Variants in CACNB4 observed in about 807,000 individuals in gnomAD.
The protein encoded by CACNB4 is calcium voltage-gated channel auxiliary subunit beta 4, also known as voltage-dependent L-type calcium channel subunit beta-4.
Under a neutral mutation model 71.2 loss-of-function variants are expected in CACNB4, and 32 were observed. The ratio of observed to expected loss-of-function variants is 0.45; its 90% CI spans 0.34 to 0.60. The LOEUF is 0.60. CACNB4 is among the 20% of genes least tolerant of loss of function. CACNB4 has a pLI of 0.01. For synonymous variants in CACNB4, 231 were observed against 236.9 expected (o/e 0.97, Z 0.23); for missense variants, 464 against 647.9 (o/e 0.72, Z 3.08).
chr2:151,879,742 T>C (rs1166351754), intron 4 of CACNB4: 2 of 152,200 alleles, frequency 1.3e-5, no homozygotes, highest in African/African-American at 4.8e-5. Flanking sequence ...CAGCTCAATG[T>C]CACATCAAAC....
intron 2 of CACNB4, among the ~76,000 whole-genome samples, chr2:152,055,631 T>A (rs930068072): frequency 5.3e-5 from 8 of 152,220 alleles, no homozygotes; most frequent in African/African-American, 1.9e-4. Context: ...CTTTGATTAT[T>A]ACTGAACACT....
chr2:151,904,140 T>C (rs917970279), intron 2 of CACNB4, among the ~76,000 whole-genome samples: 4 of 152,242 alleles, frequency 2.6e-5, no homozygotes, highest in African/African-American at 4.8e-5. Context: ...CAAAAGCAGA[T>C]TGAATTTTGT....
chr2:151,977,980 G>T (rs1245917850), intron 2 of CACNB4, among the ~76,000 whole-genome samples: 1 of 152,226 alleles, frequency 6.6e-6, no homozygotes, highest in Non-Finnish European at 1.5e-5. Context: ...CTTCTGCTCT[G>T]CAAGTAATAG....
chr2:152,063,250 C>A (rs1375509191), intron 2 of CACNB4, among the ~76,000 whole-genome samples: 1 of 152,204 alleles, frequency 6.6e-6, no homozygotes, highest in Admixed American at 6.5e-5. Flanking sequence ...TGTTCAAAAT[C>A]ATTACAAAAT....
chr2:151,890,413 T>C (rs1199415290), intron 2 of CACNB4, among the ~76,000 whole-genome samples: 1 of 152,156 alleles, frequency 6.6e-6, no homozygotes, highest in Non-Finnish European at 1.5e-5. Flanking sequence ...AACTTATAGA[T>C]ATTATTATCA....
chr2:151,964,087 A>ATAAAAT (rs1560080052), intron 2 of CACNB4, among the ~76,000 whole-genome samples: 3 of 151,008 alleles, frequency 2.0e-5, no homozygotes, highest in African/African-American at 7.3e-5. Context: ...AAAAAAAAAA[A>ATAAAAT]AAAGAATGTT....
At chr2:151,954,516 A>T (rs1416086863) in intron 2 of CACNB4, among the ~76,000 whole-genome samples, 1 of 152,180 alleles carries the variant, frequency 6.6e-6, no homozygotes, top group Non-Finnish European at 1.5e-5. Flanking sequence ...GATTTCCTGA[A>T]ATTTGTTGTT....
chr2:152,044,282 G>A (rs1685026736), intron 2 of CACNB4, among the ~76,000 whole-genome samples: 1 of 152,130 alleles, frequency 6.6e-6, no homozygotes, highest in African/African-American at 2.4e-5. Flanking sequence ...GTGCAGTGGA[G>A]CAATCTTGGC....
chr2:152,005,251 G>T lies in CACNB4; in HGVS notation c.147+93079C>A, dbSNP rs114461572. 6.1e-3 allele frequency among the ~76,000 whole-genome samples: 930 copies of T among 152,288 alleles called. 18 individuals are homozygous for T. The highest frequency in any genetic ancestry group is 0.021 in the African/African-American group (857 of 41,546). ...GTTCATCGCAGTACTATTCACAGTA[G>T]CAAAGACATGGACTCAACCTACATG... is the stretch of plus-strand genomic sequence containing the variant. On this transcript the variant is annotated intron_variant, in intron 2 of 13. Coordinates refer to ENST00000539935, the MANE Select transcript of CACNB4 (RefSeq NM_000726.5).
chr2:152,077,267 A>C (rs1255425618), intron 2 of CACNB4, among the ~76,000 whole-genome samples: 1 of 152,154 alleles, frequency 6.6e-6, no homozygotes, highest in African/African-American at 2.4e-5. Flanking sequence ...CTAAAATATA[A>C]AAATTGGCCA....
chr2:151,900,564 G>C (rs962239921), intron 2 of CACNB4, among the ~76,000 whole-genome samples: 13 of 152,200 alleles, frequency 8.5e-5, no homozygotes, highest in African/African-American at 3.1e-4. Context: ...TAAAATTGTA[G>C]AGTAGAATAA....
intron 2 of CACNB4, chr2:151,968,940 C>A (rs549058946): frequency 6.6e-6 from 1 of 152,190 alleles, no homozygotes; most frequent in Non-Finnish European, 1.5e-5. Context: ...GGGATCTGAT[C>A]GATTCAAGGA....
Position 151,833,492 on chromosome 2 carries a change from T to C in CACNB4, c.*5627A>G, listed in dbSNP as rs2099834240. On this transcript the variant is annotated 3_prime_UTR_variant, in exon 14 of 14. Transcript: ENST00000539935. ...CACTTGCTGTGACTTTCTGCTGTTG[T>C]TATTGAAAGAGAAGAAATAAGAGGA... The C allele has an allele frequency of 6.6e-6, 1 of 152,122 alleles. No homozygotes were observed. Among genetic ancestry groups the C allele is most frequent in the South Asian group, 2.1e-4 (1 of 4,830 alleles). 9.4% of individuals were successfully genotyped at this position (152,122 alleles called of 1,614,324 possible). A position where few individuals can be genotyped will look rare whatever the true frequency, so the allele number is the denominator to read the frequency against.
At position 152,016,393 on chromosome 2, in the gene CACNB4, G is replaced by C. The variant is rs79909163; in HGVS notation, c.147+81937C>G. 1.4e-3 allele frequency among the ~76,000 whole-genome samples: 217 copies of C among 152,362 alleles called. 2 individuals are homozygous for C. The highest frequency in any genetic ancestry group is 4.9e-3 in the African/African-American group (202 of 41,586). ...TGAATTCAGGTTGCCATAGAAACCA[G>C]TAGACTTCTGTATGGGATTCCATCA... On this transcript the variant is annotated intron_variant, in intron 2 of 13. Transcript: ENST00000539935.
intron 2 of CACNB4, among the ~76,000 whole-genome samples, chr2:151,959,403 C>T (rs998291603): frequency 5.9e-5 from 9 of 152,160 alleles, no homozygotes; most frequent in African/African-American, 1.9e-4. Context: ...GTGTCCCATG[C>T]GTACCCTTCC....
chr2:152,098,426 C>G lies in CACNB4; in HGVS notation c.64-13G>C. 6.2e-7 allele frequency: 1 copy of G among 1,608,798 alleles called. No individual in the cohort carries two copies. Among genetic ancestry groups the G allele is most frequent in the South Asian group, 1.1e-5 (1 of 90,958 alleles). ...TGCCTCGGGCCACCTGGACTCGACA[C>G]ACGGGGGCCAGAGAGAAGCCGGTGA... On this transcript the variant is annotated splice_polypyrimidine_tract_variant and intron_variant, in intron 1 of 13. Coordinates refer to ENST00000539935, the MANE Select transcript of CACNB4 (RefSeq NM_000726.5). The surrounding 1 kb of genome is among the most constrained non-coding windows in gnomAD (Gnocchi z 5.3).
intron 2 of CACNB4, among the ~76,000 whole-genome samples, chr2:152,049,710 G>T (rs1032576059): frequency 3.9e-5 from 6 of 152,190 alleles, no homozygotes; most frequent in African/African-American, 1.4e-4. Context: ...TCTACAGAAA[G>T]AAAGAAAGGC....
chr2:151,954,955 G>A (rs143195886), intron 2 of CACNB4, among the ~76,000 whole-genome samples: 15 of 144,996 alleles, frequency 1.0e-4, no homozygotes, highest in African/African-American at 3.6e-4. Flanking sequence ...CCAGGTTCAT[G>A]CCATTCTCCC....
intron 2 of CACNB4, among the ~76,000 whole-genome samples, chr2:151,909,304 G>A (rs948704411): frequency 3.3e-5 from 5 of 150,856 alleles, no homozygotes; most frequent in South Asian, 2.1e-4. Context: ...GCATGGTGGC[G>A]GGCACCTGTA....
Sources: allele counts gnomAD v4.1 joint callset (sites outside exome capture counted in the v4.1 genomes callset), GRCh38; gene constraint gnomAD v4.1.1; non-coding constraint Gnocchi (gnomAD v3.1); transcripts MANE v1.5; gene names NCBI Gene and HGNC (gene_info 2026-07-23, HGNC 2026-07-21).